Variants in CEP128 observed in about 807,000 individuals in gnomAD.
CEP128 encodes centrosomal protein 128, also known as centrosomal protein 128kDa.
A neutral mutation model predicts 156.7 loss-of-function variants in CEP128; 132 were observed. The ratio of observed to expected loss-of-function variants is 0.84; its 90% confidence interval spans 0.73 to 0.97. CEP128 has a LOEUF of 0.97. Among genes scored for constraint, CEP128 ranks in the 50% least tolerant of loss-of-function variants. CEP128 has a pLI of 0.00. For synonymous variants in CEP128, 469 were observed against 448.9 expected, an observed-to-expected ratio of 1.04 and a Z score of -0.57; for missense variants, 1,252 against 1,281.9, an observed-to-expected ratio of 0.98 and a Z score of 0.36.
chr14:80,487,229 G>A, downstream of CEP128, among the ~76,000 whole-genome samples: 1 of 152,042 alleles, frequency 6.6e-6, no homozygotes, highest in Non-Finnish European at 1.5e-5. Flanking sequence ...TGCAATCCTA[G>A]TCTCTGATAA....
chr14:80,741,265 C>A (rs539317114), intron 19 of CEP128, among the ~76,000 whole-genome samples: 11 of 152,268 alleles, frequency 7.2e-5, no homozygotes, highest in African/African-American at 1.7e-4. Context: ...TTGAAAAATT[C>A]TTTGCAATTT....
intron 14 of CEP128, among the ~76,000 whole-genome samples, chr14:80,785,979 A>T (rs1318594353): frequency 1.3e-5 from 2 of 152,182 alleles, no homozygotes; most frequent in Non-Finnish European, 2.9e-5. Context: ...CAAAACAGAG[A>T]TGGAAAATAA....
At chr14:80,838,983 C>T (rs1886221481) in intron 10 of CEP128, among the ~76,000 whole-genome samples, 1 of 152,156 alleles carries the variant, frequency 6.6e-6, no homozygotes, top group Admixed American at 6.5e-5. Context: ...CCCGTAATCC[C>T]AGCTACTCGG....
intron 23 of CEP128, among the ~76,000 whole-genome samples, chr14:80,524,408 T>C (rs980982236): frequency 6.6e-6 from 1 of 152,274 alleles, no homozygotes; most frequent in East Asian, 1.9e-4. Context: ...TGAGTTCCTA[T>C]TTCTCTTATC....
At chr14:80,743,016 C>A in intron 19 of CEP128, 59 bp downstream of exon 19, 1 of 1,515,344 alleles carries the variant, frequency 6.6e-7, no homozygotes, top group Non-Finnish European at 9.1e-7. Flanking sequence ...TTTTCCAATC[C>A]TAGGATTAGG....
chr14:80,683,093 C>G (rs1396140429), intron 19 of CEP128, among the ~76,000 whole-genome samples: 1 of 152,076 alleles, frequency 6.6e-6, no homozygotes, highest in Non-Finnish European at 1.5e-5. Flanking sequence ...ATCCAGCTAA[C>G]AACTTCACAA....
intron 4 of CEP128, among the ~76,000 whole-genome samples, chr14:80,907,332 T>A (rs960083793): frequency 9.9e-5 from 15 of 151,980 alleles, no homozygotes; most frequent in African/African-American, 3.4e-4. Flanking sequence ...CTGGGATATG[T>A]ACAATACCAT....
intron 13 of CEP128, among the ~76,000 whole-genome samples, chr14:80,818,862 C>G (rs1225207511): frequency 6.6e-6 from 1 of 152,210 alleles, no homozygotes; most frequent in Non-Finnish European, 1.5e-5. Flanking sequence ...GATATTTCAG[C>G]TACTTTGTCT....
intron 23 of CEP128, among the ~76,000 whole-genome samples, chr14:80,516,531 T>C (rs542650613): frequency 2.9e-4 from 44 of 152,282 alleles, no homozygotes; most frequent in Admixed American, 1.4e-3. Flanking sequence ...AGGCTTGTCC[T>C]TGTGGGCTAA....
At chr14:80,895,020 T>A (rs960555121) in intron 8 of CEP128, among the ~76,000 whole-genome samples, 12 of 151,998 alleles carry the variant, frequency 7.9e-5, no homozygotes, top group African/African-American at 2.9e-4. Flanking sequence ...AATGAATAAA[T>A]ACACTCCTGA....
At chr14:80,733,273 G>A (rs540337944) in intron 19 of CEP128, among the ~76,000 whole-genome samples, 2 of 151,978 alleles carry the variant, frequency 1.3e-5, no homozygotes, top group East Asian at 3.9e-4. Context: ...TACCATAGGT[G>A]CTCTTGGGTC....
intron 23 of CEP128, among the ~76,000 whole-genome samples, chr14:80,517,044 C>T (rs566949950): frequency 8.5e-5 from 13 of 152,256 alleles, no homozygotes; most frequent in African/African-American, 3.1e-4. Context: ...GCTCTGCCTC[C>T]TCCCCCTAAT....
Position 80,613,469 on chromosome 14 carries a change from AT to A in CEP128, c.2807-33047del, listed in dbSNP as rs368473582. On this transcript the variant is annotated intron_variant, in intron 19 of 24. Transcript: ENST00000555265. ...AGGCGCCCGCCACCATGGCTGGCTA[AT>A]TTTTTTTTTTTTGTATTTATGGTAG... Among the ~76,000 whole-genome samples the A allele has an allele frequency of 6.1e-3, 850 of 139,576 alleles. 3 individuals carry two copies. The highest frequency in any genetic ancestry group is 0.011 in the Middle Eastern group (3 of 268). 91.6% of individuals were successfully genotyped at this position (139,576 alleles called of 152,430 possible). A position where few individuals can be genotyped will look rare whatever the true frequency, so the allele number is the denominator to read the frequency against.
At chr14:80,584,234 C>T (rs1328087184) in intron 19 of CEP128, among the ~76,000 whole-genome samples, 1 of 150,850 alleles carries the variant, frequency 6.6e-6, no homozygotes, top group African/African-American at 2.4e-5. Flanking sequence ...GAAACCTCCA[C>T]CTCCTGGGTT....
At chr14:80,559,209 G>T in intron 21 of CEP128, 70 bp downstream of exon 21, 1 of 1,294,192 alleles carries the variant, frequency 7.7e-7, no homozygotes, top group South Asian at 1.3e-5. Flanking sequence ...TTCCTTTGGT[G>T]TGCTGTGAAA....
intron 21 of CEP128, among the ~76,000 whole-genome samples, chr14:80,537,607 C>T (rs1889544237): frequency 1.3e-5 from 2 of 152,132 alleles, no homozygotes; most frequent in African/African-American, 4.8e-5. Context: ...ATTGTAATCA[C>T]TTCATTTCTT....
At chr14:80,694,683 A>C (rs1595232328) in intron 19 of CEP128, among the ~76,000 whole-genome samples, 1 of 149,218 alleles carries the variant, frequency 6.7e-6, no homozygotes, top group South Asian at 2.2e-4. Flanking sequence ...CTCACTCATA[A>C]GTGGGAGTTG....
chr14:80,745,977 A>C (rs921574342), intron 18 of CEP128, among the ~76,000 whole-genome samples: 31 of 152,156 alleles, frequency 2.0e-4, no homozygotes, highest in Admixed American at 1.4e-3. Flanking sequence ...CAATCCAAAA[A>C]TAACATTAAG....
At chr14:80,597,948 TA>T (rs1892405367) in intron 19 of CEP128, among the ~76,000 whole-genome samples, 5 of 26,648 alleles carry the variant, frequency 1.9e-4, no homozygotes, top group Non-Finnish European at 3.5e-4. Flanking sequence ...ATTCCTCAGC[TA>T]CAAAAAAAAA....
Sources: allele counts gnomAD v4.1 joint callset (sites outside exome capture counted in the v4.1 genomes callset), GRCh38; gene constraint gnomAD v4.1.1; transcripts MANE v1.5; gene names NCBI Gene and HGNC (gene_info 2026-07-23, HGNC 2026-07-21).